Variants in MLLT10 observed in about 807,000 individuals in gnomAD.
MLLT10 encodes the protein MLLT10 histone lysine methyltransferase DOT1L cofactor, also known as protein AF-10.
MLLT10 carries 30 observed loss-of-function variants against 129.1 expected under a neutral mutation model. That is an observed-to-expected ratio of 0.23 (90% CI 0.17 to 0.32). The LOEUF is 0.32. MLLT10 is among the 10% of genes least tolerant of loss of function. MLLT10 has a pLI of 1.00. For synonymous variants in MLLT10, 490 were observed against 446.4 expected, an observed-to-expected ratio of 1.10 and a Z score of -1.23; for missense variants, 1,119 against 1,268.3, an observed-to-expected ratio of 0.88 and a Z score of 1.79.
At chr10:21,665,302 G>T (rs12251068) in intron 9 of MLLT10, among the ~76,000 whole-genome samples, 276 of 25,320 alleles carry the variant, frequency 0.011, 2 homozygotes, top group African/African-American at 0.039. Context: ...TGTTTTTTTT[G>T]GGGGGGGGGG....
At chr10:21,619,567 A>G (rs183076350) in intron 8 of MLLT10, among the ~76,000 whole-genome samples, 61 of 152,328 alleles carry the variant, frequency 4.0e-4, no homozygotes, top group Admixed American at 1.4e-3. Context: ...CTAGATTAAA[A>G]AACACGTTTA....
chr10:21,679,781 A>AC (rs1450449657), intron 11 of MLLT10, among the ~76,000 whole-genome samples: 1 of 152,176 alleles, frequency 6.6e-6, no homozygotes. Context: ...ATATATACTT[A>AC]CCAGGTGAGC....
At chr10:21,651,624 T>C (rs1441987693) in intron 8 of MLLT10, 49 bp from the exon 9 acceptor site, 1 of 1,298,796 alleles carries the variant, frequency 7.7e-7, no homozygotes, top group Admixed American at 1.9e-5. Context: ...GTTGCATATA[T>C]GGGGTTATAG....
At chr10:21,533,949 C>T (rs2033274906), upstream of MLLT10, among the ~76,000 whole-genome samples, 1 of 152,224 alleles carries the variant, frequency 6.6e-6, no homozygotes, top group Non-Finnish European at 1.5e-5. Context: ...ACCTCCCAGG[C>T]CTCTTCCCGA....
At chr10:21,673,242 C>A in intron 10 of MLLT10, 108 bp from the exon 11 acceptor site, 1 of 646,784 alleles carries the variant, frequency 1.5e-6, no homozygotes. Context: ...TTAAACTCTT[C>A]TCTTTAATGA....
chr10:21,728,385 T>C (rs1302653588), intron 16 of MLLT10, among the ~76,000 whole-genome samples: 1 of 152,210 alleles, frequency 6.6e-6, no homozygotes, highest in Non-Finnish European at 1.5e-5. Context: ...GAATCAGTTA[T>C]AGCAAATGTA....
chr10:21,580,284 C>T (rs562451681), intron 3 of MLLT10, among the ~76,000 whole-genome samples: 12 of 151,720 alleles, frequency 7.9e-5, no homozygotes, highest in Admixed American at 1.3e-4. Context: ...GACATTTTTC[C>T]GTAAAACTTG....
At chr10:21,703,965 C>G (rs1412249359) in intron 13 of MLLT10, among the ~76,000 whole-genome samples, 1 of 137,808 alleles carries the variant, frequency 7.3e-6, no homozygotes, top group African/African-American at 2.7e-5. Flanking sequence ...TCTGCTTGAT[C>G]TAGTCTATTG....
At chr10:21,655,226 A>G (rs2049446209) in intron 9 of MLLT10, among the ~76,000 whole-genome samples, 2 of 152,174 alleles carry the variant, frequency 1.3e-5, no homozygotes, top group Non-Finnish European at 2.9e-5. Context: ...GTCTAGATGT[A>G]TACTGAATTC....
intron 5 of MLLT10, among the ~76,000 whole-genome samples, chr10:21,597,856 GTTCT>G (rs1348580103): frequency 2.6e-5 from 4 of 152,124 alleles, no homozygotes; most frequent in Admixed American, 2.6e-4. Flanking sequence ...GTGATTCTGT[GTTCT>G]TTTTTTTGCA....
At chr10:21,708,668 G>C (rs1051202621) in intron 13 of MLLT10, 3 of 984,936 alleles carry the variant, frequency 3.0e-6, no homozygotes, top group Non-Finnish European at 3.6e-6. Context: ...GTAAGTATAC[G>C]TTGATGTAAT....
At chr10:21,681,852 G>T (rs892383345) in intron 12 of MLLT10, among the ~76,000 whole-genome samples, 4 of 152,038 alleles carry the variant, frequency 2.6e-5, no homozygotes, top group African/African-American at 7.2e-5. Context: ...TGTTAAGTGT[G>T]CCCTAAGGCA....
In MLLT10 at chr10:21,625,166, T is replaced by C. The variant is rs61741346; in HGVS notation, c.699+7959T>C. On this transcript the variant is annotated intron_variant, in intron 8 of 22. Coordinates refer to ENST00000307729, the MANE Select transcript of MLLT10 (RefSeq NM_001195626.3). ...GCATGCGAGGAGGAGGGTGTAGTGATAATCTTCATATGCAGTGCTTCTGGA... is the reference window on the plus strand; with the variant it reads ...GCATGCGAGGAGGAGGGTGTAGTGACAATCTTCATATGCAGTGCTTCTGGA... 3.9e-3 allele frequency: 5,362 copies of C among 1,361,798 alleles called. 157 individuals carry two copies. The African/African-American group carries it at 0.067, about 17-fold the overall frequency. 84.4% of individuals were successfully genotyped at this position (1,361,798 alleles called of 1,614,324 possible). A position where few individuals can be genotyped will look rare whatever the true frequency, so the allele number is the denominator to read the frequency against.
At chr10:21,597,819 T>TA (rs1385808831) in intron 5 of MLLT10, among the ~76,000 whole-genome samples, 1 of 152,272 alleles carries the variant, frequency 6.6e-6, no homozygotes, top group Non-Finnish European at 1.5e-5. Flanking sequence ...TAAATACAGT[T>TA]ATGTTTTTAG....
intron 9 of MLLT10, among the ~76,000 whole-genome samples, chr10:21,657,795 T>G (rs2049764493): frequency 6.6e-6 from 1 of 152,200 alleles, no homozygotes; most frequent in Admixed American, 6.5e-5. Flanking sequence ...AAGTAAATCC[T>G]TTCAATTAGC....
chr10:21,727,928 G>A lies in MLLT10; in HGVS notation c.2063G>A (p.Arg688Gln), dbSNP rs1352650257. 6.2e-7 allele frequency: 1 copy of A among 1,613,692 alleles called. No individual in the cohort carries two copies. The highest frequency in any genetic ancestry group is 1.3e-5 in the African/African-American group (1 of 74,992). The part of the protein sequence containing the change: ...GSSPRGSLSP[R>Q]SPVSSLQIRY... ...TCACCCCGAGGAAGTCTCTCGCCACGGTAAGCGCTATTTACACTGCAAAGT... is the reference window on the plus strand; with the variant it reads ...TCACCCCGAGGAAGTCTCTCGCCACAGTAAGCGCTATTTACACTGCAAAGT... The change falls in exon 16 of 23, where the codon CGA becomes CAA. Residue 688 changes from arginine to glutamine, a missense_variant and splice_region_variant. By Grantham distance (43) the Arg-to-Gln change is conservative (BLOSUM62 1). Around this residue, in one of 5 missense-constraint regions of MLLT10, gnomAD observed 1,004 missense variants for 1,008.7 expected, o/e 1.00. Coordinates refer to ENST00000307729, the MANE Select transcript of MLLT10 (RefSeq NM_001195626.3).
intron 11 of MLLT10, among the ~76,000 whole-genome samples, chr10:21,679,722 A>T (rs886156880): frequency 6.6e-6 from 1 of 152,166 alleles, no homozygotes; most frequent in African/African-American, 2.4e-5. Flanking sequence ...TCTTGAGACC[A>T]TAGTATTTGG....
intron 3 of MLLT10, among the ~76,000 whole-genome samples, chr10:21,555,782 C>T (rs2037846122): frequency 6.6e-6 from 1 of 151,590 alleles, no homozygotes; most frequent in African/African-American, 2.4e-5. Context: ...GTTCTTCTGC[C>T]TCAGCCTCCT....
At chr10:21,579,997 G>GT (rs999060881) in intron 3 of MLLT10, among the ~76,000 whole-genome samples, 1 of 149,624 alleles carries the variant, frequency 6.7e-6, no homozygotes, top group Non-Finnish European at 1.5e-5. Context: ...AAAATTCTTT[G>GT]TTTTTTTGTT....
Sources: allele counts gnomAD v4.1 joint callset (sites outside exome capture counted in the v4.1 genomes callset), GRCh38; gene constraint gnomAD v4.1.1; regional missense constraint gnomAD v4.1.1; transcripts MANE v1.5; gene names NCBI Gene and HGNC (gene_info 2026-07-23, HGNC 2026-07-21).